CEP85L: variants seen among roughly 807,000 people sequenced by gnomAD.
CEP85L encodes the protein centrosomal protein 85L.
CEP85L carries 60 observed loss-of-function variants against 100.3 expected under a neutral mutation model. The observed-to-expected ratio is 0.60, with a 90% confidence interval of 0.49 to 0.74. CEP85L has a LOEUF of 0.74. CEP85L is among the 30% of genes least tolerant of loss of function. The probability of loss-of-function intolerance (pLI) is 0.00; values close to 1 mark genes in which losing one functional copy is unlikely to be tolerated. For synonymous variants in CEP85L, 319 were observed against 322.7 expected (o/e 0.99, Z 0.12); for missense variants, 973 against 936.2 (o/e 1.04, Z -0.51).
chr6:118,648,997 TA>T (rs150394092), intron 1 of CEP85L, among the ~76,000 whole-genome samples: 4,406 of 152,188 alleles, frequency 0.029, 104 homozygotes, highest in African/African-American at 0.056. Context: ...ATTTCAAAAA[TA>T]AAAATTTCCT....
chr6:118,699,915 G>T (rs1009112887), intron 1 of CEP85L, among the ~76,000 whole-genome samples: 2 of 152,098 alleles, frequency 1.3e-5, no homozygotes, highest in African/African-American at 4.8e-5. Flanking sequence ...CGCTGGTCTT[G>T]AACTCTTGAC....
chr6:118,673,784 C>T (rs1189455645), intron 1 of CEP85L, among the ~76,000 whole-genome samples: 4 of 152,120 alleles, frequency 2.6e-5, no homozygotes, highest in Non-Finnish European at 4.4e-5. Flanking sequence ...AACCAATGAA[C>T]CATCTTCTAG....
At chr6:118,527,553 T>C (rs911892084) in intron 3 of CEP85L, among the ~76,000 whole-genome samples, 11 of 152,318 alleles carry the variant, frequency 7.2e-5, no homozygotes, top group African/African-American at 2.6e-4. Flanking sequence ...AACTCTCTAC[T>C]TAATGAAACT....
intron 5 of CEP85L, among the ~76,000 whole-genome samples, chr6:118,504,421 T>TA (rs955415056): frequency 6.0e-5 from 9 of 150,934 alleles, no homozygotes; most frequent in South Asian, 2.1e-4. Context: ...AGCTTACATT[T>TA]AAAAAAAAAT....
intron 1 of CEP85L, among the ~76,000 whole-genome samples, chr6:118,636,538 C>G (rs1358505698): frequency 1.4e-5 from 2 of 142,950 alleles, no homozygotes; most frequent in African/African-American, 6.1e-5. Context: ...CCCAGATATG[C>G]AGTCAAACAT....
intron 1 of CEP85L, among the ~76,000 whole-genome samples, chr6:118,649,471 C>T (rs975661842): frequency 6.6e-5 from 10 of 152,098 alleles, no homozygotes; most frequent in Admixed American, 5.2e-4. Flanking sequence ...TCCTAGAAAA[C>T]AATGAAAAAT....
intron 2 of CEP85L, among the ~76,000 whole-genome samples, chr6:118,631,032 A>T (rs973745998): frequency 2.6e-5 from 4 of 152,164 alleles, no homozygotes; most frequent in Non-Finnish European, 5.9e-5. Flanking sequence ...CTGGTGCCAA[A>T]AAGGTTGGGG....
At chr6:118,608,708 T>TA (rs1329753108) in intron 2 of CEP85L, among the ~76,000 whole-genome samples, 1 of 152,178 alleles carries the variant, frequency 6.6e-6, no homozygotes, top group Non-Finnish European at 1.5e-5. Flanking sequence ...GCATGTGTTT[T>TA]AAAAAAGTAC....
At chr6:118,699,266 A>G (rs900447422) in intron 1 of CEP85L, among the ~76,000 whole-genome samples, 16 of 151,886 alleles carry the variant, frequency 1.1e-4, no homozygotes, top group African/African-American at 3.6e-4. Flanking sequence ...CAGCCTGGGC[A>G]ACATAGCAAG....
chr6:118,694,537 T>C (rs903802405), intron 1 of CEP85L, among the ~76,000 whole-genome samples: 1 of 152,188 alleles, frequency 6.6e-6, no homozygotes, highest in Non-Finnish European at 1.5e-5. Flanking sequence ...CCTTAACTGA[T>C]TTTTTAGAAA....
intron 8 of CEP85L, among the ~76,000 whole-genome samples, chr6:118,481,096 T>C (rs954542682): frequency 1.3e-5 from 2 of 152,042 alleles, no homozygotes; most frequent in Non-Finnish European, 2.9e-5. Context: ...TAAGTAAATC[T>C]GGAAGATACA....
chr6:118,549,678 C>T (rs1778424637), intron 3 of CEP85L, among the ~76,000 whole-genome samples: 1 of 151,746 alleles, frequency 6.6e-6, no homozygotes, highest in South Asian at 2.1e-4. Flanking sequence ...TTTGATAGTA[C>T]ATAAAAGTCA....
intron 1 of CEP85L, among the ~76,000 whole-genome samples, chr6:118,637,825 T>A (rs547091669): frequency 1.1e-4 from 16 of 146,066 alleles, no homozygotes; most frequent in Admixed American, 4.1e-4. Context: ...AAACTAAAAA[T>A]AAATAAATAA....
intron 2 of CEP85L, among the ~76,000 whole-genome samples, chr6:118,569,044 T>C (rs1377509326): frequency 1.3e-5 from 2 of 151,798 alleles, no homozygotes; most frequent in Admixed American, 1.3e-4. Context: ...AACTATTATA[T>C]AGAGTAAAAT....
At chr6:118,572,713 T>A (rs1779977274) in intron 2 of CEP85L, among the ~76,000 whole-genome samples, 1 of 152,132 alleles carries the variant, frequency 6.6e-6, no homozygotes, top group Admixed American at 6.5e-5. Context: ...TAGGAATGTA[T>A]CATGTACAAG....
chr6:118,636,365 G>A (rs894522545), intron 1 of CEP85L, among the ~76,000 whole-genome samples: 2 of 152,184 alleles, frequency 1.3e-5, no homozygotes, highest in African/African-American at 2.4e-5. Flanking sequence ...CACTACTGAG[G>A]TTTTTCAAGG....
At chr6:118,600,296 T>TGGGGGGGGGGGGGGGGGG (rs1554228034) in intron 2 of CEP85L, among the ~76,000 whole-genome samples, 1 of 34,176 alleles carries the variant, frequency 2.9e-5, no homozygotes. Flanking sequence ...TGAGCCTTCC[T>TGGGGGGGGGGGGGGGGGG]GGGGGTGTGT....
chr6:118,567,249 GTATATA>G (rs57181233), intron 2 of CEP85L, among the ~76,000 whole-genome samples: 28 of 43,766 alleles, frequency 6.4e-4, no homozygotes, highest in African/African-American at 2.1e-3. Flanking sequence ...GTGTGTGTGT[GTATATA>G]TATATATATA....
intron 3 of CEP85L, chr6:118,558,682 GAGAGA>G: frequency 3.7e-6 from 2 of 533,548 alleles, no homozygotes; most frequent in Non-Finnish European, 6.7e-6. Context: ...GAGAGAGAGA[GAGAGA>G]GGGAGAGAGA....
Sources: allele counts gnomAD v4.1 joint callset (sites outside exome capture counted in the v4.1 genomes callset), GRCh38; gene constraint gnomAD v4.1.1; transcripts MANE v1.5; gene names NCBI Gene and HGNC (gene_info 2026-07-23, HGNC 2026-07-21).